GRTP1: variants seen among roughly 807,000 people sequenced by gnomAD.
GRTP1 encodes growth hormone-regulated TBC protein 1.
GRTP1 carries 56 observed loss-of-function variants against 38.1 expected under a neutral mutation model. The observed-to-expected ratio is 1.47, with a 90% CI of 1.19 to 1.84. GRTP1 has a LOEUF of 1.84. GRTP1 is among the 40% of genes most tolerant of loss of function. GRTP1 has a pLI of 0.00. For synonymous variants in GRTP1, 217 were observed against 189.5 expected (o/e 1.14, Z -1.19); for missense variants, 506 against 453.9 (o/e 1.11, Z -1.04).
At chr13:113,358,604 A>G (rs1021056507) in intron 2 of GRTP1, among the ~76,000 whole-genome samples, 1 of 152,264 alleles carries the variant, frequency 6.6e-6, no homozygotes, top group Admixed American at 6.5e-5. Context: ...GTACTGAAAA[A>G]AAGGTAGACA....
At chr13:113,353,185 G>A (rs1010591127) in intron 3 of GRTP1, among the ~76,000 whole-genome samples, 6 of 148,496 alleles carry the variant, frequency 4.0e-5, no homozygotes, top group Admixed American at 2.7e-4. Context: ...ACCCACAGCT[G>A]AAAGCAGGGG....
chr13:113,333,390 C>A (rs917865096), intron 5 of GRTP1, among the ~76,000 whole-genome samples: 1 of 152,228 alleles, frequency 6.6e-6, no homozygotes, highest in African/African-American at 2.4e-5. Flanking sequence ...TTGCCAAACT[C>A]ACGAATGCAC....
rs11413178 is a variant in GRTP1 at position 113,349,177 on chromosome 13, G to GT, written c.465+1671dup. On this transcript the variant is annotated intron_variant, in intron 4 of 7. Coordinates refer to ENST00000375431, the MANE Select transcript of GRTP1 (RefSeq NM_024719.4). This position sits in a 1 kb window ranked among gnomAD's most constrained non-coding sequence, Gnocchi z 5.0. ...GGCAAGGGCCACCCAGGTGGGTGGT[G>GT]TTTTTTTTTGTTTGTTTCTCGGTTT... 0.25 allele frequency among the ~76,000 whole-genome samples: 36,824 copies of GT among 149,846 alleles called. 5,688 individuals are homozygous for GT. Among genetic ancestry groups the GT allele is most frequent in the East Asian group, 0.6 (2,967 of 4,982 alleles).
At position 113,324,292 on chromosome 13, in the gene GRTP1, T is replaced by C; in HGVS notation, c.*196A>G. On this transcript the variant is annotated 3_prime_UTR_variant, in exon 8 of 8. Coordinates refer to ENST00000375431, the MANE Select transcript of GRTP1 (RefSeq NM_024719.4). ...AAAAATAAGTTTTCTTTAAAAAGTA[T>C]GACTTCATAGCTAATCATCAAAAGC... The C allele has an allele frequency of 1.4e-6, 1 of 710,772 alleles. No homozygotes were observed. Among genetic ancestry groups the C allele is most frequent in the Non-Finnish European group, 2.0e-6 (1 of 498,084 alleles). 44.0% of individuals were successfully genotyped at this position (710,772 alleles called of 1,614,324 possible). A position where few individuals can be genotyped will look rare whatever the true frequency, so the allele number is the denominator to read the frequency against.
chr13:113,333,841 G>T (rs200951122), intron 5 of GRTP1, among the ~76,000 whole-genome samples: 1,136 of 51,776 alleles, frequency 0.022, 11 homozygotes, highest in African/African-American at 0.087. Context: ...TTTATTTAGT[G>T]TGTGTGTGTG....
In GRTP1 at chr13:113,349,324, G is replaced by C. The variant is rs2043220767; in HGVS notation, c.465+1525C>G. Among the ~76,000 whole-genome samples the C allele has an allele frequency of 6.6e-6, 1 of 151,830 alleles. No individual in the cohort carries two copies. The highest frequency in any genetic ancestry group is 1.5e-5 in the Non-Finnish European group (1 of 67,996). ...TCACCTCAGCCCCTCGAGCAGCCGG[G>C]ACCACAGGCGTGTGCCACCACACCC... On this transcript the variant is annotated intron_variant, in intron 4 of 7. Coordinates refer to ENST00000375431, the MANE Select transcript of GRTP1 (RefSeq NM_024719.4). This position sits in a 1 kb window ranked among gnomAD's most constrained non-coding sequence, Gnocchi z 5.0.
Position 113,324,511 on chromosome 13 carries a change from C to T in GRTP1, c.988G>A (p.Ala330Thr), listed in dbSNP as rs765839234. ...GCTCACCCCTGTGCCAGCAGCCGGG[C>T]CCTGCAGCTCTCGCGGAGCTTGGCG... is the stretch of plus-strand genomic sequence containing the variant. ...TVAKLRESCR[A>T]RLLAQG Residue 330 changes from alanine (A) to threonine (T), a missense_variant, in exon 8 of 8, where the codon GCC (alanine) becomes ACC (threonine). Transcript: ENST00000375431. 2.5e-6 allele frequency: 4 copies of T among 1,611,158 alleles called. No homozygotes were observed. The South Asian group carries it at 4.4e-5, about 18-fold the overall frequency.
intron 2 of GRTP1, 151 bp downstream of exon 2, chr13:113,363,611 G>T (rs573719200): frequency 8.9e-6 from 7 of 786,560 alleles, no homozygotes; most frequent in Non-Finnish European, 1.4e-5. Context: ...CGGTCCCTGC[G>T]GCTGCCCTAG....
chr13:113,328,155 C>T (rs543570593), intron 5 of GRTP1, among the ~76,000 whole-genome samples: 26 of 152,282 alleles, frequency 1.7e-4, no homozygotes, highest in African/African-American at 3.4e-4. Flanking sequence ...TCTGGTCTCG[C>T]GCCGCTATCC....
chr13:113,363,669 C>A (rs1284248233), intron 2 of GRTP1, 93 bp downstream of exon 2: 3 of 1,321,250 alleles, frequency 2.3e-6, no homozygotes, highest in Non-Finnish European at 3.1e-6. Flanking sequence ...GGTTCCTCCC[C>A]CTCCCTCCGC....
chr13:113,346,532 GGGAGGACCTCTGTGGCAA>G (rs2043139947), intron 4 of GRTP1, among the ~76,000 whole-genome samples: 1 of 7,068 alleles, frequency 1.4e-4, no homozygotes, highest in African/African-American at 1.5e-4. Context: ...GAGCAGACCC[GGGAGGACCTCTGTGGCAA>G]AGAGCAGACC....
intron 2 of GRTP1, among the ~76,000 whole-genome samples, 181 bp downstream of exon 2, chr13:113,363,581 C>T (rs1850794511): frequency 6.6e-6 from 1 of 152,176 alleles, no homozygotes; most frequent in African/African-American, 2.4e-5. Flanking sequence ...ACCCGCCGGC[C>T]CATCTCAAAG....
At chr13:113,363,969 C>G in intron 1 of GRTP1, 51 bp downstream of exon 1, 1 of 1,557,980 alleles carries the variant, frequency 6.4e-7, no homozygotes, top group Non-Finnish European at 8.7e-7. Context: ...GGGTCGCGGG[C>G]CCGCGCGGGG....
intron 2 of GRTP1, among the ~76,000 whole-genome samples, chr13:113,363,182 C>T (rs2043529447): frequency 6.6e-6 from 1 of 152,158 alleles, no homozygotes; most frequent in African/African-American, 2.4e-5. Flanking sequence ...CCTGGGGTCG[C>T]GGAGGAGCGG....
Position 113,332,286 on chromosome 13 carries a change from A to ACGCACAC in GRTP1, c.563-6196_563-6195insGTGTGCG, listed in dbSNP as rs1566417033. Among the ~76,000 whole-genome samples the ACGCACAC allele has an allele frequency of 9.4e-4, 139 of 148,592 alleles. 2 individuals are homozygous for ACGCACAC. In the South Asian group the frequency reaches 9.9e-3, roughly 11 times the overall value. On this transcript the variant is annotated intron_variant, in intron 5 of 7. Transcript: ENST00000375431. Reference sequence around the variant, plus strand: ...ACCACACACAGGTACACACGTGCACACACACACCACACGTGCACACGCACG... The same window carrying ACGCACAC: ...ACCACACACAGGTACACACGTGCACACGCACACCACACACCACACGTGCACACGCACG...
At chr13:113,345,303 ACT>A (rs1373996705) in intron 4 of GRTP1, among the ~76,000 whole-genome samples, 1 of 152,208 alleles carries the variant, frequency 6.6e-6, no homozygotes, top group Non-Finnish European at 1.5e-5. Context: ...ACAGCATGAA[ACT>A]CTCTGCCAGA....
intron 7 of GRTP1, chr13:113,325,377 G>C (rs1333246293): frequency 1.4e-5 from 20 of 1,428,448 alleles, no homozygotes; most frequent in Non-Finnish European, 9.1e-6. Flanking sequence ...CCGGGCCTCG[G>C]GAAGCCACAC....
intron 5 of GRTP1, among the ~76,000 whole-genome samples, chr13:113,328,364 G>A (rs770669105): frequency 7.9e-5 from 12 of 152,340 alleles, no homozygotes; most frequent in East Asian, 1.9e-4. Context: ...GGCCACAGGC[G>A]TCTGCACATG....
At position 113,333,895 on chromosome 13, in the gene GRTP1, C is replaced by T. The variant is rs540884938; in HGVS notation, c.563-7804G>A. Among the ~76,000 whole-genome samples the T allele has an allele frequency of 2.9e-4, 43 of 146,874 alleles. No individual in the cohort carries two copies. The South Asian group carries it at 5.9e-3, about 20-fold the overall frequency. On this transcript the variant is annotated intron_variant, in intron 5 of 7. Coordinates refer to ENST00000375431, the MANE Select transcript of GRTP1 (RefSeq NM_024719.4). ...TGTGTCCGAGGCTGGAGTGCAGTAG[C>T]GCGATCTTGGTTCACTGCAGCCTCC...
Sources: allele counts gnomAD v4.1 joint callset (sites outside exome capture counted in the v4.1 genomes callset), GRCh38; gene constraint gnomAD v4.1.1; non-coding constraint Gnocchi (gnomAD v3.1); transcripts MANE v1.5; gene names NCBI Gene and HGNC (gene_info 2026-07-23, HGNC 2026-07-21).